CEMIP2: variants seen among roughly 807,000 people sequenced by gnomAD.
The protein encoded by CEMIP2 is cell surface hyaluronidase CEMIP2.
In CEMIP2, 79 loss-of-function variants were observed where a neutral mutation model predicts 146.9. The ratio of observed to expected loss-of-function variants is 0.54; its 90% CI spans 0.45 to 0.65. The LOEUF is 0.65. CEMIP2 is among the 30% of genes least tolerant of loss of function. The pLI, the probability that CEMIP2 is intolerant of heterozygous loss-of-function variation, is 0.00. For synonymous variants in CEMIP2, 601 were observed against 606.3 expected (o/e 0.99, Z 0.13); for missense variants, 1,596 against 1,696.2 (o/e 0.94, Z 1.04).
chr9:71,756,236 GTGTATATATATATATATATA>G (rs1488066935), intron 1 of CEMIP2, among the ~76,000 whole-genome samples: 1 of 103,810 alleles, frequency 9.6e-6, no homozygotes, highest in Non-Finnish European at 2.1e-5. Context: ...ATGTATATAG[GTGTATATATATATATATATA>G]TGTATATATA....
At chr9:71,731,584 A>G (rs1172868237) in intron 7 of CEMIP2, among the ~76,000 whole-genome samples, 1 of 152,136 alleles carries the variant, frequency 6.6e-6, no homozygotes, top group Admixed American at 6.5e-5. Context: ...TGCAAAAATT[A>G]GCCAGGCACT....
At position 71,712,131 on chromosome 9, in the gene CEMIP2, C is replaced by T; in HGVS notation, c.2721G>A (p.Trp907Ter). ...AGATATTATTCCTGGGGGTTATCTG[C>T]CAGGAATTCTTCATGAGGAAGCCAA... ...SAIGFLMKNS[W>*]QITPRNNISL... Residue 907 changes from tryptophan to a stop codon, truncating the protein, a stop_gained, in exon 16 of 24, where the codon TGG (tryptophan) becomes TGA (stop). Coordinates refer to ENST00000377044, the MANE Select transcript of CEMIP2 (RefSeq NM_013390.3). LOFTEE classifies it high-confidence loss of function. 4 of 1,614,080 alleles carry T rather than the reference C, an allele frequency of 2.5e-6. No individual in the cohort carries two copies. The highest frequency in any genetic ancestry group is 3.4e-6 in the Non-Finnish European group (4 of 1,179,984).
At chr9:71,765,981 G>GCA in intron 1 of CEMIP2, among the ~76,000 whole-genome samples, 1 of 152,102 alleles carries the variant, frequency 6.6e-6, no homozygotes, top group African/African-American at 2.4e-5. Flanking sequence ...ATATTTTAGA[G>GCA]CACACATCAC....
chr9:71,714,970 C>A lies in CEMIP2; in HGVS notation c.2555G>T (p.Gly852Val), dbSNP rs141720413. The A allele has an allele frequency of 1.2e-6, 2 of 1,613,756 alleles. No homozygotes were observed. Among genetic ancestry groups the A allele is most frequent in the Non-Finnish European group, 1.7e-6 (2 of 1,179,904 alleles). Reference sequence around the variant, plus strand: ...TAATGTTCGAGGCTTCTGGTCTATTCCTCCAGTGCCTACATACTTGTTCTG... The same window carrying A: ...TAATGTTCGAGGCTTCTGGTCTATTACTCCAGTGCCTACATACTTGTTCTG... ...GGQNKYVGTGGIDQKPRTLPR... is the reference protein window; with the variant it reads ...GGQNKYVGTGVIDQKPRTLPR... Residue 852 changes from glycine to valine, a missense_variant, in exon 15 of 24, where the codon GGA becomes GTA. Physicochemically the swap from Gly to Val is moderately radical, Grantham distance 109. Coordinates refer to ENST00000377044, the MANE Select transcript of CEMIP2 (RefSeq NM_013390.3).
At chr9:71,756,361 GTAGT>G (rs1474953889) in intron 1 of CEMIP2, among the ~76,000 whole-genome samples, 2 of 150,704 alleles carry the variant, frequency 1.3e-5, no homozygotes, top group African/African-American at 2.4e-5. Context: ...ATACATACAT[GTAGT>G]TATTGAGGAG....
At chr9:71,733,006 T>C (rs1426162643) in intron 6 of CEMIP2, among the ~76,000 whole-genome samples, 2 of 152,136 alleles carry the variant, frequency 1.3e-5, no homozygotes, top group Non-Finnish European at 2.9e-5. Context: ...TGATCTATAA[T>C]CTTTCTCTCC....
intron 11 of CEMIP2, among the ~76,000 whole-genome samples, chr9:71,725,260 T>A (rs138686706): frequency 2.6e-5 from 4 of 152,292 alleles, no homozygotes; most frequent in African/African-American, 9.6e-5. Context: ...GTTTAGGTCA[T>A]AACGGATTCG....
intron 23 of CEMIP2, 72 bp from the exon 24 acceptor site, chr9:71,685,465 G>A: frequency 7.2e-7 from 1 of 1,395,256 alleles, no homozygotes; most frequent in Non-Finnish European, 9.3e-7. Flanking sequence ...AGAGAATATA[G>A]GAGGTGAGTC....
Position 71,730,157 on chromosome 9 carries a change from G to T in CEMIP2, c.1870C>A (p.Leu624Ile), listed in dbSNP as rs749251269. The T allele has an allele frequency of 1.2e-6, 2 of 1,614,114 alleles. No individual in the cohort carries two copies. The highest frequency in any genetic ancestry group is 1.7e-5 in the Admixed American group (1 of 60,010). The part of the protein sequence containing the change: ...RNTLFHNLGL[L>I]TKPGTLLPTD... ...GGCAGGAGAGTACCCGGCTTGGTGAGGAGTCCCAGATTGTGGAACAAAGTA... is the reference window on the plus strand; with the variant it reads ...GGCAGGAGAGTACCCGGCTTGGTGATGAGTCCCAGATTGTGGAACAAAGTA... Residue 624 changes from leucine (L) to isoleucine (I), a missense_variant, in exon 9 of 24, where the codon CTC becomes ATC. Physicochemically the swap from Leu to Ile is conservative, Grantham distance 5. Transcript: ENST00000377044.
In CEMIP2 at chr9:71,740,049, C is replaced by T; in HGVS notation, c.1204+14G>A. On this transcript the variant is annotated intron_variant, in intron 5 of 23. Transcript: ENST00000377044. ...TATCAGTGTCTTACAAGAGTATAAA[C>T]TCTACTTGCCTACCTTCAATCCATT... 1 of 1,610,940 alleles carries T rather than the reference C, an allele frequency of 6.2e-7. No homozygotes were observed. Among genetic ancestry groups the T allele is most frequent in the Non-Finnish European group, 8.5e-7 (1 of 1,178,462 alleles).
chr9:71,722,325 A>G, intron 12 of CEMIP2, 102 bp downstream of exon 12: 1 of 895,822 alleles, frequency 1.1e-6, no homozygotes, highest in Non-Finnish European at 1.7e-6. Context: ...CTAAAACTTT[A>G]TTTTAAATGT....
chr9:71,709,575 G>A lies in CEMIP2; in HGVS notation c.2770-101C>T, dbSNP rs552003255. Reference sequence around the variant, plus strand: ...TGCAGGTCCATTGTGATTGCTTTAAGGTTAGAGCAGTTCTGAGTTACAGTT... The same window carrying A: ...TGCAGGTCCATTGTGATTGCTTTAAAGTTAGAGCAGTTCTGAGTTACAGTT... On this transcript the variant is annotated intron_variant, in intron 16 of 23. Coordinates refer to ENST00000377044, the MANE Select transcript of CEMIP2 (RefSeq NM_013390.3). 7.5e-5 allele frequency: 72 copies of A among 955,544 alleles called. No homozygotes were observed. In the African/African-American group the frequency reaches 1.1e-3, roughly 15 times the overall value. 59.2% of individuals were successfully genotyped at this position (955,544 alleles called of 1,614,324 possible).
chr9:71,761,751 C>G (rs1824643386), intron 1 of CEMIP2, among the ~76,000 whole-genome samples: 1 of 152,072 alleles, frequency 6.6e-6, no homozygotes, highest in Non-Finnish European at 1.5e-5. Flanking sequence ...GCTCACAGCC[C>G]AGCATTTGGG....
rs532991993 is a variant in CEMIP2, at chr9:71,730,947, C to T, written c.1564-33G>A. ...TCAAGGTACTAAAATCAAACTCATACTTTTCAGAATAGGGAAGTAGCAAAA... is the reference window on the plus strand; with the variant it reads ...TCAAGGTACTAAAATCAAACTCATATTTTTCAGAATAGGGAAGTAGCAAAA... On this transcript the variant is annotated intron_variant, in intron 7 of 23. Transcript: ENST00000377044. 6.3e-6 allele frequency: 10 copies of T among 1,586,410 alleles called. No homozygotes were observed. In the South Asian group the frequency reaches 1.0e-4, roughly 16 times the overall value.
intron 1 of CEMIP2, among the ~76,000 whole-genome samples, chr9:71,762,044 G>T (rs890638227): frequency 2.3e-5 from 3 of 129,556 alleles, no homozygotes; most frequent in East Asian, 2.5e-4. Flanking sequence ...AGTATGGGAG[G>T]GAGGGGAGGG....
Position 71,704,841 on chromosome 9 carries a change from A to G in CEMIP2, c.2986-38T>C, listed in dbSNP as rs977522428. The G allele has an allele frequency of 1.9e-5, 30 of 1,596,274 alleles. 1 individual carries two copies. The highest frequency in any genetic ancestry group is 1.1e-4 in the East Asian group (5 of 44,696). On this transcript the variant is annotated intron_variant, in intron 17 of 23. Transcript: ENST00000377044. ...ATCAAGAAGTAAAGGGAAGAGAATGAAAATTTAAACAGCTAAAAAGACATT... is the reference window on the plus strand; with the variant it reads ...ATCAAGAAGTAAAGGGAAGAGAATGGAAATTTAAACAGCTAAAAAGACATT...
chr9:71,692,365 A>G (rs1013406724), intron 21 of CEMIP2, among the ~76,000 whole-genome samples: 2 of 90,508 alleles, frequency 2.2e-5, no homozygotes, highest in Non-Finnish European at 4.1e-5. Flanking sequence ...TCTACCCCCC[A>G]TCTCTCTCTC....
intron 14 of CEMIP2, 71 bp from the exon 15 acceptor site, chr9:71,715,160 G>C: frequency 1.3e-6 from 2 of 1,504,510 alleles, no homozygotes; most frequent in Admixed American, 2.1e-5. Context: ...ATGTAGGCAT[G>C]CTATAACTGA....
At chr9:71,685,633 C>T in intron 23 of CEMIP2, 110 bp downstream of exon 23, 1 of 929,658 alleles carries the variant, frequency 1.1e-6, no homozygotes. Context: ...CTTAATGATA[C>T]CCACTCCAGC....
Sources: allele counts gnomAD v4.1 joint callset (sites outside exome capture counted in the v4.1 genomes callset), GRCh38; gene constraint gnomAD v4.1.1; transcripts MANE v1.5; gene names NCBI Gene and HGNC (gene_info 2026-07-23, HGNC 2026-07-21).